The following GRM5 variants were observed in gnomAD, a reference collection of about 807,000 sequenced individuals.
GRM5 encodes the protein metabotropic glutamate receptor 5.
A neutral mutation model predicts 83.1 loss-of-function variants in GRM5; 19 were observed. That is an observed-to-expected ratio of 0.23 (90% CI 0.16 to 0.34). The LOEUF (loss-of-function observed/expected upper bound fraction) is 0.34. Among genes scored for constraint, GRM5 ranks in the 10% least tolerant of loss-of-function variants. GRM5 has a pLI of 1.00. For missense variants in GRM5, 1,160 were observed against 1,588.3 expected, an observed-to-expected ratio of 0.73 and a Z score of 4.58; for synonymous variants, 675 against 633.6, an observed-to-expected ratio of 1.07 and a Z score of -0.98.
intron 2 of GRM5, among the ~76,000 whole-genome samples, chr11:88,896,246 T>A (rs1223073169): frequency 6.6e-6 from 1 of 151,602 alleles, no homozygotes; most frequent in Non-Finnish European, 1.5e-5. Context: ...CTGACATACA[T>A]AAATAAGGCA....
At chr11:88,585,054 C>T (rs1214320726) in intron 7 of GRM5, among the ~76,000 whole-genome samples, 1 of 152,146 alleles carries the variant, frequency 6.6e-6, no homozygotes, top group African/African-American at 2.4e-5. Flanking sequence ...TGAGAGGTGC[C>T]CTTCTTAGAC....
At chr11:88,616,587 A>G (rs1938492997) in intron 4 of GRM5, among the ~76,000 whole-genome samples, 2 of 152,082 alleles carry the variant, frequency 1.3e-5, no homozygotes, top group African/African-American at 4.8e-5. Flanking sequence ...AAGCATAGAG[A>G]ATAGAATGTA....
intron 3 of GRM5, among the ~76,000 whole-genome samples, chr11:88,780,546 CT>C (rs1269720209): frequency 3.3e-5 from 5 of 151,992 alleles, no homozygotes; most frequent in Non-Finnish European, 7.4e-5. Flanking sequence ...CACTTCAGAG[CT>C]TTACAGATAA....
At chr11:88,543,517 G>T (rs1342822514) in intron 8 of GRM5, among the ~76,000 whole-genome samples, 1 of 151,524 alleles carries the variant, frequency 6.6e-6, no homozygotes, top group African/African-American at 2.4e-5. Flanking sequence ...TAAAAAAAGT[G>T]CTGAATGAGA....
chr11:88,677,161 G>T (rs1344125781), intron 3 of GRM5, among the ~76,000 whole-genome samples: 1 of 151,906 alleles, frequency 6.6e-6, no homozygotes, highest in Non-Finnish European at 1.5e-5. Flanking sequence ...GTGACTAGAA[G>T]ATATATATAC....
At chr11:88,626,187 C>A (rs572040636) in intron 4 of GRM5, among the ~76,000 whole-genome samples, 16 of 152,280 alleles carry the variant, frequency 1.1e-4, no homozygotes, top group African/African-American at 3.8e-4. Context: ...GGCAGAGAAG[C>A]ACTACTGCTA....
intron 2 of GRM5, among the ~76,000 whole-genome samples, chr11:88,977,763 T>TA (rs1273338712): frequency 6.6e-6 from 1 of 152,198 alleles, no homozygotes; most frequent in Non-Finnish European, 1.5e-5. Flanking sequence ...CCACTTGCTA[T>TA]AGAGGGAAAG....
intron 2 of GRM5, among the ~76,000 whole-genome samples, chr11:88,991,643 T>C (rs1236962668): frequency 6.7e-6 from 1 of 150,216 alleles, no homozygotes; most frequent in Non-Finnish European, 1.5e-5. Flanking sequence ...CAAAACAGCA[T>C]GGTACTGGTA....
At chr11:88,977,140 T>C (rs1227271391) in intron 2 of GRM5, among the ~76,000 whole-genome samples, 1 of 150,944 alleles carries the variant, frequency 6.6e-6, no homozygotes, top group African/African-American at 2.4e-5. Context: ...TTAAATGAAT[T>C]TGAGAAATTC....
intron 2 of GRM5, among the ~76,000 whole-genome samples, chr11:88,916,350 T>G (rs1945592354): frequency 6.6e-6 from 1 of 152,100 alleles, no homozygotes; most frequent in African/African-American, 2.4e-5. Context: ...ATCTGTATGC[T>G]TGGTAGAAGG....
At position 88,884,279 on chromosome 11, in the gene GRM5, C is replaced by T. The variant is rs969459036; in HGVS notation, c.662-34124G>A. On this transcript the variant is annotated intron_variant, in intron 2 of 9. Coordinates refer to ENST00000305447, the MANE Select transcript of GRM5 (RefSeq NM_001143831.3). Reference sequence around the variant, plus strand: ...ACATGGAGTCAAGGGAGATCATTTTCGAACTTTAATGACTGTTCTATTGGA... The same window carrying T: ...ACATGGAGTCAAGGGAGATCATTTTTGAACTTTAATGACTGTTCTATTGGA... Among the ~76,000 whole-genome samples the T allele has an allele frequency of 5.9e-5, 9 of 152,158 alleles. No homozygotes were observed. In the East Asian group the frequency reaches 1.2e-3, roughly 20 times the overall value.
At position 88,745,198 on chromosome 11, in the gene GRM5, C is replaced by CTT. The variant is rs71046261; in HGVS notation, c.912-91797_912-91796dup. On this transcript the variant is annotated intron_variant, in intron 3 of 9. Transcript: ENST00000305447. ...CTAATTTTTTTTTCTTTTTATTTTT[C>CTT]TTTTTTTTTTTTTCTGAGACAGAAT... Among the ~76,000 whole-genome samples, 95 of 86,440 alleles carry CTT rather than the reference C, an allele frequency of 1.1e-3. No homozygotes were observed. The East Asian group carries it at 0.014, about 13-fold the overall frequency. 56.7% of individuals were successfully genotyped at this position (86,440 alleles called of 152,430 possible).
intron 3 of GRM5, among the ~76,000 whole-genome samples, chr11:88,661,534 A>T (rs997291121): frequency 1.3e-5 from 2 of 152,138 alleles, no homozygotes; most frequent in African/African-American, 4.8e-5. Flanking sequence ...TGTAATCATC[A>T]TCCTGCCAAA....
intron 3 of GRM5, among the ~76,000 whole-genome samples, chr11:88,816,353 A>G (rs527454030): frequency 1.6e-4 from 25 of 151,776 alleles, no homozygotes; most frequent in Middle Eastern, 6.8e-3. Flanking sequence ...AGCCTGGCCA[A>G]CATAGTGAAG....
chr11:88,878,515 T>C (rs72643342), intron 2 of GRM5, among the ~76,000 whole-genome samples: 18,617 of 152,038 alleles, frequency 0.12, 1,927 homozygotes, highest in East Asian at 0.27. Flanking sequence ...GGGATACACT[T>C]GCTTAAACAG....
At chr11:89,015,629 A>G (rs1940833359) in intron 2 of GRM5, among the ~76,000 whole-genome samples, 1 of 152,188 alleles carries the variant, frequency 6.6e-6, no homozygotes, top group Non-Finnish European at 1.5e-5. Context: ...GAAACACTTT[A>G]TTCTGTGTGT....
At chr11:88,677,746 A>T (rs1287943092) in intron 3 of GRM5, among the ~76,000 whole-genome samples, 19 of 152,174 alleles carry the variant, frequency 1.2e-4, no homozygotes, top group Non-Finnish European at 1.5e-5. Context: ...TTGAGATGTG[A>T]TTATCAATTT....
chr11:89,037,005 C>T (rs1236014682), intron 2 of GRM5, among the ~76,000 whole-genome samples: 2 of 151,976 alleles, frequency 1.3e-5, no homozygotes, highest in Non-Finnish European at 2.9e-5. Context: ...ATTTTTGGGA[C>T]ACTCAGAGAA....
At chr11:89,061,227 C>T (rs1304435988) in intron 1 of GRM5, among the ~76,000 whole-genome samples, 1 of 152,106 alleles carries the variant, frequency 6.6e-6, no homozygotes, top group African/African-American at 2.4e-5. Context: ...TAAGATAAAA[C>T]ATTTGTATAT....
Sources: allele counts gnomAD v4.1 joint callset (sites outside exome capture counted in the v4.1 genomes callset), GRCh38; gene constraint gnomAD v4.1.1; transcripts MANE v1.5; gene names NCBI Gene and HGNC (gene_info 2026-07-23, HGNC 2026-07-21).